The following UVRAG variants were observed in gnomAD, a reference collection of about 807,000 sequenced individuals.
The protein encoded by UVRAG is UV radiation resistance-associated gene protein.
UVRAG carries 19 observed loss-of-function variants against 78.0 expected under a neutral mutation model. The ratio of observed to expected loss-of-function variants is 0.24; its 90% confidence interval spans 0.17 to 0.36. UVRAG has a LOEUF of 0.36. UVRAG is among the 10% of genes least tolerant of loss of function. The pLI, the probability that UVRAG is intolerant of heterozygous loss-of-function variation, is 1.00. For synonymous variants in UVRAG, 323 were observed against 324.6 expected (o/e 1.00, Z 0.05); for missense variants, 740 against 853.8 (o/e 0.87, Z 1.66).
intron 14 of UVRAG, among the ~76,000 whole-genome samples, chr11:76,117,375 T>C (rs1187739970): frequency 6.6e-6 from 1 of 152,250 alleles, no homozygotes; most frequent in Non-Finnish European, 1.5e-5. Flanking sequence ...CCACTGATGA[T>C]AATGGCATCT....
intron 6 of UVRAG, among the ~76,000 whole-genome samples, chr11:75,934,092 G>T (rs1591035436): frequency 6.6e-6 from 1 of 152,168 alleles, no homozygotes; most frequent in African/African-American, 2.4e-5. Context: ...AGCAACCTAA[G>T]TGTCCATTAG....
intron 14 of UVRAG, among the ~76,000 whole-genome samples, chr11:76,140,145 CTCT>C (rs1952689049): frequency 9.3e-6 from 1 of 107,252 alleles, no homozygotes; most frequent in African/African-American, 3.6e-5. Context: ...CTCTCTCTCT[CTCT>C]CCCTCCCTCC....
At chr11:76,125,630 G>A (rs1305141790) in intron 14 of UVRAG, among the ~76,000 whole-genome samples, 4 of 152,120 alleles carry the variant, frequency 2.6e-5, no homozygotes, top group African/African-American at 4.8e-5. Flanking sequence ...TCCCGGCGCC[G>A]CCTCTCCCCT....
intron 12 of UVRAG, among the ~76,000 whole-genome samples, chr11:76,036,162 A>G (rs1029190726): frequency 6.6e-6 from 1 of 152,248 alleles, no homozygotes; most frequent in Non-Finnish European, 1.5e-5. Flanking sequence ...GCAAAAATAT[A>G]CTAAATCAGG....
intron 6 of UVRAG, among the ~76,000 whole-genome samples, chr11:75,920,008 G>GTT (rs140217190): frequency 0.059 from 3,275 of 55,548 alleles, 607 homozygotes; most frequent in East Asian, 0.097. Context: ...AATAATTTTG[G>GTT]TTTTTTTTTT....
chr11:75,974,018 G>A (rs1423068363), intron 7 of UVRAG, among the ~76,000 whole-genome samples: 1 of 152,168 alleles, frequency 6.6e-6, no homozygotes, highest in South Asian at 2.1e-4. Flanking sequence ...ATAAACATAT[G>A]TGTGCATGTG....
intron 11 of UVRAG, among the ~76,000 whole-genome samples, chr11:76,015,773 G>T (rs1591135288): frequency 6.6e-6 from 1 of 152,274 alleles, no homozygotes; most frequent in East Asian, 1.9e-4. Flanking sequence ...AAAGAAGAAT[G>T]CGAAAATTTT....
At chr11:75,880,195 CAT>C (rs1946905677) in intron 4 of UVRAG, among the ~76,000 whole-genome samples, 155 bp downstream of exon 4, 1 of 152,174 alleles carries the variant, frequency 6.6e-6, no homozygotes, top group Admixed American at 6.5e-5. Context: ...TGATCATTTA[CAT>C]ATGTTATTAT....
intron 13 of UVRAG, among the ~76,000 whole-genome samples, chr11:76,070,660 T>C (rs1314842311): frequency 6.6e-6 from 1 of 152,206 alleles, no homozygotes; most frequent in African/African-American, 2.4e-5. Context: ...TACTGTGTGC[T>C]GTGTACGCTG....
chr11:76,090,826 G>A (rs576309647), intron 13 of UVRAG, among the ~76,000 whole-genome samples: 11 of 152,040 alleles, frequency 7.2e-5, no homozygotes, highest in East Asian at 3.9e-4. Context: ...ATTACATATC[G>A]GGTATTCACA....
chr11:75,996,679 A>C (rs1949713591), intron 8 of UVRAG, among the ~76,000 whole-genome samples: 1 of 152,168 alleles, frequency 6.6e-6, no homozygotes, highest in Admixed American at 6.5e-5. Flanking sequence ...AGGCACAATA[A>C]TGCAAATGTT....
At chr11:76,111,108 T>C (rs1420466698) in intron 13 of UVRAG, among the ~76,000 whole-genome samples, 2 of 152,110 alleles carry the variant, frequency 1.3e-5, no homozygotes, top group Admixed American at 1.3e-4. Context: ...CCCGCCTGAA[T>C]ATGTTTGTTT....
intron 8 of UVRAG, among the ~76,000 whole-genome samples, chr11:75,996,681 G>C (rs1416185222): frequency 6.6e-6 from 1 of 152,148 alleles, no homozygotes; most frequent in Non-Finnish European, 1.5e-5. Context: ...GCACAATAAT[G>C]CAAATGTTAA....
At chr11:76,138,543 C>G (rs899884101) in intron 14 of UVRAG, among the ~76,000 whole-genome samples, 2 of 152,268 alleles carry the variant, frequency 1.3e-5, no homozygotes, top group African/African-American at 4.8e-5. Flanking sequence ...CCCTGTTCCT[C>G]TTGTGCGGCA....
intron 14 of UVRAG, among the ~76,000 whole-genome samples, chr11:76,132,616 A>G (rs1952531969): frequency 6.6e-6 from 1 of 152,042 alleles, no homozygotes; most frequent in South Asian, 2.1e-4. Context: ...TTGATGTGGT[A>G]AATCTTTACA....
intron 13 of UVRAG, among the ~76,000 whole-genome samples, chr11:76,102,653 C>T (rs1951897745): frequency 6.6e-6 from 1 of 152,112 alleles, no homozygotes. Context: ...TGCTGGTTTT[C>T]ATGGGAAATG....
chr11:75,842,205 G>A (rs1054605866), intron 1 of UVRAG, among the ~76,000 whole-genome samples: 4 of 152,184 alleles, frequency 2.6e-5, no homozygotes, highest in African/African-American at 9.7e-5. Context: ...ATTTAAGGGG[G>A]AGGAGACATA....
chr11:76,098,890 G>T (rs994195885), intron 13 of UVRAG, among the ~76,000 whole-genome samples: 7 of 151,984 alleles, frequency 4.6e-5, no homozygotes, highest in Non-Finnish European at 1.0e-4. Flanking sequence ...TTGTATTCCT[G>T]CTCTGTTGTT....
intron 8 of UVRAG, among the ~76,000 whole-genome samples, chr11:75,989,343 C>T (rs1158538370): frequency 6.6e-6 from 1 of 152,144 alleles, no homozygotes; most frequent in Non-Finnish European, 1.5e-5. Flanking sequence ...GCTACCATGC[C>T]CGGCCACTTC....
Sources: allele counts gnomAD v4.1 joint callset (sites outside exome capture counted in the v4.1 genomes callset), GRCh38; gene constraint gnomAD v4.1.1; transcripts MANE v1.5; gene names NCBI Gene and HGNC (gene_info 2026-07-23, HGNC 2026-07-21).